The following MAML3 variants were observed in gnomAD, a reference collection of about 807,000 sequenced individuals.
MAML3 encodes mastermind-like protein 3.
Under a neutral mutation model 101.9 loss-of-function variants are expected in MAML3, and 27 were observed. The observed-to-expected ratio is 0.27, with a 90% CI of 0.20 to 0.37. The LOEUF is 0.37. MAML3 is among the 10% of genes least tolerant of loss of function. The pLI, the probability that MAML3 is intolerant of heterozygous loss-of-function variation, is 1.00. For synonymous variants in MAML3, 501 were observed against 555.9 expected (o/e 0.90, Z 1.39); for missense variants, 1,316 against 1,444.9 (o/e 0.91, Z 1.45).
At chr4:140,136,013 G>T (rs1185807330) in intron 1 of MAML3, among the ~76,000 whole-genome samples, 1 of 152,148 alleles carries the variant, frequency 6.6e-6, no homozygotes, top group Non-Finnish European at 1.5e-5. Flanking sequence ...TTAAGAATGG[G>T]GTGGCAGGAA....
At chr4:139,951,891 C>T (rs1363375793) in intron 1 of MAML3, among the ~76,000 whole-genome samples, 1 of 152,052 alleles carries the variant, frequency 6.6e-6, no homozygotes, top group Non-Finnish European at 1.5e-5. Context: ...AGGCTGCGTG[C>T]AGTGGCTCAC....
chr4:140,084,041 G>A (rs1177561342), intron 1 of MAML3, among the ~76,000 whole-genome samples: 1 of 149,784 alleles, frequency 6.7e-6, no homozygotes, highest in African/African-American at 2.5e-5. Context: ...GCAGAGAATG[G>A]CCAACCCCAT....
chr4:140,124,272 T>C (rs1728652780), intron 1 of MAML3, among the ~76,000 whole-genome samples: 1 of 152,194 alleles, frequency 6.6e-6, no homozygotes, highest in Non-Finnish European at 1.5e-5. Flanking sequence ...AATCTGTGCA[T>C]AGAAAGCTGA....
intron 2 of MAML3, among the ~76,000 whole-genome samples, chr4:139,814,660 G>A (rs1730864305): frequency 6.6e-6 from 1 of 152,156 alleles, no homozygotes. Flanking sequence ...TGAAAGGTGG[G>A]TAACACCCTC....
rs143246359 is a variant in MAML3 at position 139,799,068 on chromosome 4, G to A, written c.2080-68401C>T. Among the ~76,000 whole-genome samples, 6 of 152,258 alleles carry A rather than the reference G, an allele frequency of 3.9e-5. No individual in the cohort carries two copies. In the South Asian group the frequency reaches 6.2e-4, roughly 16 times the overall value. The stretch of plus-strand genomic sequence containing the variant: ...GGGCAAGGTTTTCAGTTTCTATCCC[G>A]AGCTTGCTTCTCTGTTCCATGGTTA... On this transcript the variant is annotated intron_variant, in intron 2 of 4. Transcript: ENST00000509479.
At chr4:139,877,903 T>A (rs1337994398) in intron 2 of MAML3, among the ~76,000 whole-genome samples, 9 of 152,212 alleles carry the variant, frequency 5.9e-5, no homozygotes, top group Non-Finnish European at 1.2e-4. Flanking sequence ...ATATTTAATC[T>A]TATGATCATA....
chr4:140,024,052 A>G (rs1405452492), intron 1 of MAML3, among the ~76,000 whole-genome samples: 1 of 152,206 alleles, frequency 6.6e-6, no homozygotes, highest in Non-Finnish European at 1.5e-5. Context: ...CTAGTATGTG[A>G]CAAACATTAT....
intron 1 of MAML3, among the ~76,000 whole-genome samples, chr4:140,029,941 G>A (rs957677892): frequency 6.6e-6 from 1 of 152,094 alleles, no homozygotes; most frequent in Non-Finnish European, 1.5e-5. Flanking sequence ...AATAAGTTGG[G>A]TTTTTTCCCT....
At position 140,070,394 on chromosome 4, in the gene MAML3, C is replaced by T. The variant is rs139427307; in HGVS notation, c.468+82466G>A. On this transcript the variant is annotated intron_variant, in intron 1 of 4. Coordinates refer to ENST00000509479, the MANE Select transcript of MAML3 (RefSeq NM_018717.5). ...TTTAATCTTTAGTAAGCCTGTTTTGCCATCATTAAAATGCTTCTCTTTGAA... is the reference window on the plus strand; with the variant it reads ...TTTAATCTTTAGTAAGCCTGTTTTGTCATCATTAAAATGCTTCTCTTTGAA... Among the ~76,000 whole-genome samples the T allele has an allele frequency of 3.0e-3, 455 of 152,270 alleles. 1 individual carries two copies. The highest frequency in any genetic ancestry group is 4.9e-3 in the Non-Finnish European group (331 of 68,030).
chr4:140,079,818 C>A (rs1676919684), intron 1 of MAML3, among the ~76,000 whole-genome samples: 1 of 152,118 alleles, frequency 6.6e-6, no homozygotes, highest in Admixed American at 6.5e-5. Flanking sequence ...GCATTCAAAG[C>A]CAAAGAGAGG....
intron 1 of MAML3, among the ~76,000 whole-genome samples, chr4:139,992,503 C>T (rs920700267): frequency 6.6e-6 from 1 of 152,042 alleles, no homozygotes; most frequent in Non-Finnish European, 1.5e-5. Flanking sequence ...ACACTTTTAC[C>T]AATACTTGTT....
intron 1 of MAML3, among the ~76,000 whole-genome samples, chr4:140,093,510 G>A (rs1251744210): frequency 1.3e-5 from 2 of 149,168 alleles, no homozygotes; most frequent in Admixed American, 1.4e-4. Flanking sequence ...TCTGCCTTCC[G>A]GGTTCATGCC....
chr4:139,845,096 C>G (rs1042956990), intron 2 of MAML3, among the ~76,000 whole-genome samples: 9 of 152,238 alleles, frequency 5.9e-5, no homozygotes, highest in African/African-American at 2.2e-4. Context: ...CTTACTAAAG[C>G]CTGATGGCTC....
chr4:139,794,966 G>GA (rs1374458204), intron 2 of MAML3, among the ~76,000 whole-genome samples: 9 of 151,968 alleles, frequency 5.9e-5, no homozygotes, highest in South Asian at 2.1e-4. Context: ...AGTTTTCGAG[G>GA]AAAAAAAATC....
chr4:139,978,520 C>T (rs1025485801), intron 1 of MAML3, among the ~76,000 whole-genome samples: 5 of 151,672 alleles, frequency 3.3e-5, no homozygotes, highest in African/African-American at 1.2e-4. Flanking sequence ...CAGAGGATGG[C>T]GTCTCTGCCC....
At chr4:140,026,108 G>A (rs769559683) in intron 1 of MAML3, among the ~76,000 whole-genome samples, 10 of 151,906 alleles carry the variant, frequency 6.6e-5, no homozygotes, top group African/African-American at 1.7e-4. Context: ...TAGGAACCTC[G>A]ATTTTTTTTT....
chr4:139,940,097 C>T (rs950495603), intron 1 of MAML3, among the ~76,000 whole-genome samples: 1 of 152,136 alleles, frequency 6.6e-6, no homozygotes, highest in Non-Finnish European at 1.5e-5. Flanking sequence ...TTTTGTACCT[C>T]TACATGCCAA....
intron 1 of MAML3, among the ~76,000 whole-genome samples, chr4:140,127,188 G>A (rs768623042): frequency 8.6e-5 from 13 of 152,034 alleles, no homozygotes; most frequent in Non-Finnish European, 1.3e-4. Flanking sequence ...ACCACTTTAC[G>A]TCCTGAGCTT....
chr4:139,783,056 T>G (rs1309741564), intron 2 of MAML3, among the ~76,000 whole-genome samples: 2 of 152,132 alleles, frequency 1.3e-5, no homozygotes, highest in Admixed American at 6.5e-5. Context: ...GGCTTGTCAT[T>G]TAGCTGCAGC....
Sources: gnomAD v4.1 joint callset for allele counts (sites outside exome capture counted in the v4.1 genomes callset) on GRCh38, gnomAD v4.1.1 for gene constraint, MANE v1.5 for transcripts, NCBI Gene and HGNC (gene_info 2026-07-23, HGNC 2026-07-21) for gene names.